Variants in WWC2 observed in about 807,000 individuals in gnomAD.
WWC2 encodes protein WWC2.
WWC2 carries 101 observed loss-of-function variants against 138.5 expected under a neutral mutation model. The ratio of observed to expected loss-of-function variants is 0.73; its 90% CI spans 0.62 to 0.86. WWC2 has a LOEUF of 0.86. Among genes scored for constraint, WWC2 ranks in the 40% least tolerant of loss-of-function variants. The probability of loss-of-function intolerance (pLI) is 0.00; values close to 1 mark genes in which losing one functional copy is unlikely to be tolerated. For missense variants in WWC2, 1,420 were observed against 1,419.4 expected (o/e 1.00, Z -0.01); for synonymous variants, 558 against 538.4 (o/e 1.04, Z -0.50).
intron 4 of WWC2, among the ~76,000 whole-genome samples, chr4:183,227,040 C>CA (rs1226301131): frequency 6.6e-6 from 1 of 151,990 alleles, no homozygotes; most frequent in Non-Finnish European, 1.5e-5. Context: ...AGTGGGGACT[C>CA]AGACAGTCAC....
chr4:183,211,510 C>T (rs1192940113), intron 4 of WWC2, among the ~76,000 whole-genome samples: 8 of 152,168 alleles, frequency 5.3e-5, no homozygotes, highest in African/African-American at 1.7e-4. Flanking sequence ...TTTGAGCTGA[C>T]TGTAGCCTGG....
intron 1 of WWC2, among the ~76,000 whole-genome samples, chr4:183,111,151 A>G (rs1322565576): frequency 6.6e-6 from 1 of 152,078 alleles, no homozygotes; most frequent in East Asian, 1.9e-4. Flanking sequence ...GAGGCAGGAG[A>G]ATGGCGTGAA....
chr4:183,246,296 A>G (rs1055559146), intron 6 of WWC2, among the ~76,000 whole-genome samples: 2 of 152,156 alleles, frequency 1.3e-5, no homozygotes, highest in South Asian at 2.1e-4. Context: ...CTTATTTCGT[A>G]TATTTGGAGT....
Position 183,317,318 on chromosome 4 carries a change from A to G in WWC2, c.*1589A>G, listed in dbSNP as rs754424839. ...AAATTAAGCAACTTCTGAGCCTAGAACTTTAATTACTTTTTCCTAAATGTC... is the reference window on the plus strand; with the variant it reads ...AAATTAAGCAACTTCTGAGCCTAGAGCTTTAATTACTTTTTCCTAAATGTC... On this transcript the variant is annotated 3_prime_UTR_variant, in exon 23 of 23. Coordinates refer to ENST00000403733, the MANE Select transcript of WWC2 (RefSeq NM_024949.6). 4.6e-5 allele frequency: 7 copies of G among 152,262 alleles called. No individual in the cohort carries two copies. Among genetic ancestry groups the G allele is most frequent in the Non-Finnish European group, 8.8e-5 (6 of 68,042 alleles). 9.4% of individuals were successfully genotyped at this position (152,262 alleles called of 1,614,324 possible).
intron 21 of WWC2, among the ~76,000 whole-genome samples, chr4:183,293,235 A>T (rs1373449911): frequency 3.9e-5 from 6 of 152,216 alleles, no homozygotes; most frequent in Non-Finnish European, 1.5e-5. Flanking sequence ...GATTACAGGC[A>T]TGAGCCACCA....
intron 11 of WWC2, among the ~76,000 whole-genome samples, chr4:183,264,651 A>G (rs1737433986): frequency 6.6e-6 from 1 of 152,156 alleles, no homozygotes; most frequent in Admixed American, 6.5e-5. Flanking sequence ...CCTATTCCTG[A>G]ATATATGAAC....
chr4:183,135,134 GACTCGA>G (rs1482513752), intron 1 of WWC2, among the ~76,000 whole-genome samples: 2 of 151,988 alleles, frequency 1.3e-5, no homozygotes, highest in Admixed American at 6.6e-5. Context: ...ATGTTGGCTA[GACTCGA>G]ACTCCTGACC....
At chr4:183,185,945 A>ATTTTTTT (rs546555995) in intron 1 of WWC2, among the ~76,000 whole-genome samples, 2 of 131,246 alleles carry the variant, frequency 1.5e-5, no homozygotes, top group African/African-American at 2.8e-5. Context: ...TTTAACATAG[A>ATTTTTTT]TTTTTTTTTT....
intron 1 of WWC2, among the ~76,000 whole-genome samples, chr4:183,137,456 G>C (rs1733156136): frequency 6.6e-6 from 1 of 151,530 alleles, no homozygotes; most frequent in Admixed American, 6.6e-5. Flanking sequence ...CATAGGGTCA[G>C]GACCATCAAG....
intron 21 of WWC2, among the ~76,000 whole-genome samples, chr4:183,293,706 GTTA>G (rs922009134): frequency 1.3e-5 from 2 of 152,198 alleles, no homozygotes; most frequent in African/African-American, 2.4e-5. Flanking sequence ...AAATTTGTAA[GTTA>G]TTATAAATAG....
At chr4:183,195,902 AAAT>A (rs1403495669) in intron 2 of WWC2, among the ~76,000 whole-genome samples, 1 of 152,048 alleles carries the variant, frequency 6.6e-6, no homozygotes, top group Non-Finnish European at 1.5e-5. Flanking sequence ...TCTCATGCTG[AAAT>A]GTAATCTCCA....
rs530928525 is a variant in WWC2 at position 183,297,591 on chromosome 4, G to A, written c.3384+7956G>A. The stretch of plus-strand genomic sequence containing the variant: ...CTCCCGGCTAATTTTTTTATATTTA[G>A]TAGAGATGGGGTTTCACTGTGTTGG... On this transcript the variant is annotated intron_variant, in intron 21 of 22. Coordinates refer to ENST00000403733, the MANE Select transcript of WWC2 (RefSeq NM_024949.6). 7.2e-4 allele frequency among the ~76,000 whole-genome samples: 109 copies of A among 151,944 alleles called. 1 individual carries two copies. Among genetic ancestry groups the A allele is most frequent in the Non-Finnish European group, 1.6e-4 (11 of 67,984 alleles).
At chr4:183,287,865 G>A (rs1738308697) in intron 20 of WWC2, among the ~76,000 whole-genome samples, 1 of 152,184 alleles carries the variant, frequency 6.6e-6, no homozygotes, top group Admixed American at 6.5e-5. Flanking sequence ...TGACATCACA[G>A]TCATAGCTTG....
intron 1 of WWC2, among the ~76,000 whole-genome samples, chr4:183,114,684 C>T (rs528421540): frequency 1.1e-3 from 170 of 150,160 alleles, no homozygotes; most frequent in African/African-American, 4.0e-3. Context: ...TTTTTTCTTC[C>T]AACGTTTATT....
At chr4:183,170,303 C>G (rs1423965261) in intron 1 of WWC2, among the ~76,000 whole-genome samples, 3 of 152,174 alleles carry the variant, frequency 2.0e-5, no homozygotes, top group African/African-American at 4.8e-5. Flanking sequence ...CCAGTTCAGC[C>G]TCACTGAGGC....
At chr4:183,106,704 T>A (rs1743372002) in intron 1 of WWC2, among the ~76,000 whole-genome samples, 1 of 152,178 alleles carries the variant, frequency 6.6e-6, no homozygotes, top group African/African-American at 2.4e-5. Flanking sequence ...ATCTGGCTTC[T>A]TTTTTTCTTA....
At chr4:183,237,896 A>G (rs56353639) in intron 4 of WWC2, among the ~76,000 whole-genome samples, 3,621 of 151,840 alleles carry the variant, frequency 0.024, 145 homozygotes, top group African/African-American at 0.083. Flanking sequence ...TCTTGCCACT[A>G]CTTCACAGTG....
At chr4:183,226,099 T>C (rs1025155224) in intron 4 of WWC2, among the ~76,000 whole-genome samples, 13 of 147,928 alleles carry the variant, frequency 8.8e-5, no homozygotes, top group East Asian at 7.8e-4. Flanking sequence ...TCTTTTCTTT[T>C]TTTTTTTTTT....
chr4:183,235,217 G>T (rs1736384423), intron 4 of WWC2, among the ~76,000 whole-genome samples: 1 of 152,078 alleles, frequency 6.6e-6, no homozygotes, highest in South Asian at 2.1e-4. Flanking sequence ...TAATGTGGGG[G>T]ACAAAGAAAG....
Sources: gnomAD v4.1 joint callset for allele counts (sites outside exome capture counted in the v4.1 genomes callset) on GRCh38, gnomAD v4.1.1 for gene constraint, MANE v1.5 for transcripts, NCBI Gene and HGNC (gene_info 2026-07-23, HGNC 2026-07-21) for gene names.